Variants in MTAP observed in about 807,000 individuals in gnomAD.
MTAP encodes the protein methylthioadenosine phosphorylase, also known as S-methyl-5'-thioadenosine phosphorylase.
MTAP carries 33 observed loss-of-function variants against 33.6 expected under a neutral mutation model. The ratio of observed to expected loss-of-function variants is 0.98; its 90% confidence interval spans 0.74 to 1.31. The LOEUF (loss-of-function observed/expected upper bound fraction) is 1.31. MTAP is among the 40% of genes most tolerant of loss of function. MTAP has a pLI of 0.00. For missense variants in MTAP, 367 were observed against 360.0 expected, an observed-to-expected ratio of 1.02 and a Z score of -0.16; for synonymous variants, 148 against 125.7, an observed-to-expected ratio of 1.18 and a Z score of -1.19.
intron 1 of MTAP, among the ~76,000 whole-genome samples, chr9:21,882,221 C>T (rs772726770): frequency 1.1e-4 from 16 of 151,660 alleles, no homozygotes; most frequent in African/African-American, 2.4e-4. Flanking sequence ...AAACACAAGA[C>T]GAACAACTGT....
intron 1 of MTAP, among the ~76,000 whole-genome samples, chr9:21,925,042 G>A (rs139792983): frequency 6.6e-6 from 1 of 152,330 alleles, no homozygotes; most frequent in East Asian, 1.9e-4. Flanking sequence ...TGACCTTGGT[G>A]GCTACCCTGT....
intron 4 of MTAP, among the ~76,000 whole-genome samples, chr9:21,837,425 T>G (rs181652327): frequency 3.5e-4 from 54 of 152,334 alleles, no homozygotes; most frequent in African/African-American, 1.2e-3. Context: ...TGGGGAAATT[T>G]GCATCTGCTC....
At chr9:21,830,525 C>T (rs756241845) in intron 4 of MTAP, among the ~76,000 whole-genome samples, 19 of 152,148 alleles carry the variant, frequency 1.2e-4, no homozygotes, top group Non-Finnish European at 2.1e-4. Flanking sequence ...TTCTTTGCAG[C>T]GATTAAACAG....
chr9:21,832,021 CACTT>C (rs1167270094), intron 4 of MTAP, among the ~76,000 whole-genome samples: 1 of 152,190 alleles, frequency 6.6e-6, no homozygotes, highest in East Asian at 1.9e-4. Context: ...ATTCCTTTGT[CACTT>C]AGTGTCCTCA....
At position 21,818,037 on chromosome 9, in the gene MTAP, A is replaced by G. The variant is rs761662457; in HGVS notation, c.182A>G (p.His61Arg). The change falls in exon 4 of 8, where the codon CAT (histidine) becomes CGT (arginine). Residue 61 changes from histidine to arginine, a missense_variant and splice_region_variant. Transcript: ENST00000644715. ...KNVDCVLLAR[H>R]GRQHTIMPSK... ...CAATTTCTTCTCTCCTTCCATAGGC[A>G]TGGAAGGCAGCACACCATCATGCCT... 2.5e-6 allele frequency: 4 copies of G among 1,609,712 alleles called. No individual in the cohort carries two copies. Among genetic ancestry groups the G allele is most frequent in the East Asian group, 2.2e-5 (1 of 44,648 alleles).
At chr9:21,840,446 C>T (rs1316264325) in intron 5 of MTAP, among the ~76,000 whole-genome samples, 2 of 152,178 alleles carry the variant, frequency 1.3e-5, no homozygotes, top group Non-Finnish European at 2.9e-5. Flanking sequence ...TCGGGGAGAA[C>T]CTACCTCTGA....
intron 1 of MTAP, among the ~76,000 whole-genome samples, chr9:21,884,349 T>C (rs1219189471): frequency 6.6e-6 from 1 of 152,196 alleles, no homozygotes; most frequent in Middle Eastern, 3.2e-3. Flanking sequence ...TGTGGTATAC[T>C]TATATGATGG....
At chr9:21,873,972 A>G (rs1319028878) in intron 1 of MTAP, among the ~76,000 whole-genome samples, 3 of 152,194 alleles carry the variant, frequency 2.0e-5, no homozygotes, top group South Asian at 2.1e-4. Flanking sequence ...AAATAGTGTT[A>G]TCAAACTGTG....
intron 4 of MTAP, among the ~76,000 whole-genome samples, chr9:21,833,999 GT>G (rs145240053): frequency 1.5e-4 from 23 of 151,200 alleles, no homozygotes; most frequent in African/African-American, 4.9e-4. Context: ...TCCATAGGCT[GT>G]TTTTTTTTAT....
chr9:21,931,054 A>G (rs1818949651), exon 2 of MTAP: 3 of 764,310 alleles, frequency 3.9e-6, no homozygotes, highest in African/African-American at 3.4e-5. Flanking sequence ...CATCCTTTCA[A>G]TATTCAAGAG....
At chr9:21,910,515 A>C (rs1818554981) in intron 1 of MTAP, among the ~76,000 whole-genome samples, 1 of 152,178 alleles carries the variant, frequency 6.6e-6, no homozygotes, top group Admixed American at 6.5e-5. Context: ...ATATCCCTAA[A>C]TTGGGAAAGC....
intron 1 of MTAP, among the ~76,000 whole-genome samples, chr9:21,890,773 T>C (rs1035700037): frequency 6.6e-6 from 1 of 152,178 alleles, no homozygotes; most frequent in Non-Finnish European, 1.5e-5. Flanking sequence ...CCCCTGACAC[T>C]TTGGGCACTC....
intron 1 of MTAP, among the ~76,000 whole-genome samples, chr9:21,896,436 A>G (rs1232307049): frequency 2.6e-5 from 4 of 152,194 alleles, no homozygotes; most frequent in African/African-American, 9.7e-5. Flanking sequence ...CAAGAAATCA[A>G]TGAATCCAGG....
chr9:21,874,197 C>T (rs772684077), intron 1 of MTAP, among the ~76,000 whole-genome samples: 24 of 152,270 alleles, frequency 1.6e-4, no homozygotes, highest in Non-Finnish European at 3.1e-4. Flanking sequence ...GTCTGCCACC[C>T]GGCTTCAAGA....
chr9:21,905,552 T>G (rs1035882295), intron 1 of MTAP, among the ~76,000 whole-genome samples: 9 of 152,130 alleles, frequency 5.9e-5, no homozygotes, highest in African/African-American at 2.2e-4. Flanking sequence ...AAATATAAAA[T>G]TTTTTCACTA....
downstream of MTAP, among the ~76,000 whole-genome samples, chr9:21,871,838 T>C (rs1026658466): frequency 2.0e-5 from 3 of 152,094 alleles, no homozygotes; most frequent in Admixed American, 6.5e-5. Context: ...CCCCAGATAG[T>C]GAAAACTGGA....
At chr9:21,929,997 T>G (rs1233488969) in intron 1 of MTAP, 5 of 424,922 alleles carry the variant, frequency 1.2e-5, no homozygotes, top group African/African-American at 8.1e-5. Flanking sequence ...ATTATCTTTC[T>G]TCAGGCAACT....
intron 1 of MTAP, among the ~76,000 whole-genome samples, chr9:21,888,949 A>C (rs951564415): frequency 6.6e-6 from 1 of 152,172 alleles, no homozygotes; most frequent in Admixed American, 6.5e-5. Context: ...TTCTCAGCAG[A>C]AACCCTACAA....
rs1378687854 is a variant in MTAP at position 21,838,003 on chromosome 9, CGA to C, written c.449_450del (p.Glu150GlyfsTer7). The C allele has an allele frequency of 6.2e-7, 1 of 1,613,372 alleles. No individual in the cohort carries two copies. The highest frequency in any genetic ancestry group is 8.5e-7 in the Non-Finnish European group (1 of 1,179,502). ...ATGGCTGAGCCGTTTTGCCCCAAAACGAGAGAGGTGTGTAGTCTTTCTGGAAG... is the reference window on the plus strand; with the variant it reads ...ATGGCTGAGCCGTTTTGCCCCAAAACGAGAGGTGTGTAGTCTTTCTGGAAG... On this transcript the variant is annotated frameshift_variant, in exon 5 of 8. Coordinates refer to ENST00000644715, the MANE Select transcript of MTAP (RefSeq NM_002451.4). LOFTEE classifies it high-confidence loss of function.
Sources: gnomAD v4.1 joint callset for allele counts (sites outside exome capture counted in the v4.1 genomes callset) on GRCh38, gnomAD v4.1.1 for gene constraint, MANE v1.5 for transcripts, NCBI Gene and HGNC (gene_info 2026-07-23, HGNC 2026-07-21) for gene names.